Variants in SYTL2 observed in about 807,000 individuals in gnomAD.
SYTL2 encodes synaptotagmin like 2.
Under a neutral mutation model 198.7 loss-of-function variants are expected in SYTL2, and 165 were observed. The observed-to-expected ratio is 0.83, with a 90% CI of 0.73 to 0.94. SYTL2 has a LOEUF of 0.94. Ranked by LOEUF, SYTL2 falls within the 40% of genes least tolerant of loss-of-function variation. The pLI is 0.00. For synonymous variants in SYTL2, 966 were observed against 917.7 expected, an observed-to-expected ratio of 1.05 and a Z score of -0.95; for missense variants, 2,835 against 2,582.8, an observed-to-expected ratio of 1.10 and a Z score of -2.12.
intron 7 of SYTL2, among the ~76,000 whole-genome samples, chr11:85,728,212 C>T (rs566590176): frequency 6.6e-6 from 1 of 152,170 alleles, no homozygotes; most frequent in Admixed American, 6.5e-5. Flanking sequence ...TAGACCTAAC[C>T]GAAAAATTTC....
At chr11:85,845,848 G>A in the SYTL2 span, among the ~76,000 whole-genome samples, 1 of 152,138 alleles carries the variant, frequency 6.6e-6, no homozygotes, top group African/African-American at 2.4e-5. Flanking sequence ...CCTGGGAGGT[G>A]GAGCTTGCAG....
intron 11 of SYTL2, among the ~76,000 whole-genome samples, chr11:85,715,415 TATC>T (rs1205931786): frequency 2.0e-5 from 3 of 152,114 alleles, no homozygotes; most frequent in African/African-American, 4.8e-5. Flanking sequence ...ATCTAATAAA[TATC>T]ATATGATAAA....
the SYTL2 span, among the ~76,000 whole-genome samples, chr11:85,828,259 A>T: frequency 1.3e-5 from 2 of 152,180 alleles, no homozygotes; most frequent in Non-Finnish European, 2.9e-5. Flanking sequence ...GTTATACTAA[A>T]TTTTTTCTGC....
intron 17 of SYTL2, among the ~76,000 whole-genome samples, chr11:85,699,644 A>AT (rs770038072): frequency 1.3e-5 from 2 of 152,036 alleles, no homozygotes; most frequent in Non-Finnish European, 2.9e-5. Context: ...ACCATCAATT[A>AT]TTTCTTCCAT....
In SYTL2 at chr11:85,725,259, A is replaced by G. The variant is rs2088971477; in HGVS notation, c.4099T>C (p.Leu1367=). ...EKVILPPRPV[L]NDVSAALQKL... is the part of the protein sequence containing the mutation. ...TGTAATGCAGCACTTACATCATTCA[A>G]TACAGGTCTGGGTGGAAGAATGACT... Residue 1367 remains leucine, a synonymous_variant, in exon 8 of 20, where the codon TTG becomes CTG. Coordinates refer to ENST00000359152, the MANE Select transcript of SYTL2 (RefSeq NM_206927.4). The G allele has an allele frequency of 2.5e-6, 4 of 1,614,168 alleles. No individual in the cohort carries two copies. Among genetic ancestry groups the G allele is most frequent in the South Asian group, 1.1e-5 (1 of 91,086 alleles).
At chr11:85,788,294 G>A (rs2092669600) in intron 1 of SYTL2, among the ~76,000 whole-genome samples, 1 of 152,142 alleles carries the variant, frequency 6.6e-6, no homozygotes, top group African/African-American at 2.4e-5. Context: ...TTCTTCTTAA[G>A]ACTTTGCACG....
intron 1 of SYTL2, among the ~76,000 whole-genome samples, chr11:85,792,738 AT>A (rs1347303101): frequency 6.6e-6 from 1 of 151,652 alleles, no homozygotes; most frequent in Non-Finnish European, 1.5e-5. Context: ...TTAACTCGTC[AT>A]TTAGCATTAG....
intron 1 of SYTL2, among the ~76,000 whole-genome samples, chr11:85,803,020 G>C (rs1463796812): frequency 6.6e-6 from 1 of 152,120 alleles, no homozygotes; most frequent in African/African-American, 2.4e-5. Context: ...CCATCACCTT[G>C]TTGGCCACTA....
intron 16 of SYTL2, among the ~76,000 whole-genome samples, chr11:85,702,826 T>C (rs1199040859): frequency 6.6e-6 from 1 of 152,104 alleles, no homozygotes; most frequent in Non-Finnish European, 1.5e-5. Flanking sequence ...TTTTAAAAAA[T>C]AGATAAGCAG....
intron 1 of SYTL2, among the ~76,000 whole-genome samples, chr11:85,787,701 C>T (rs911731522): frequency 0.013 from 1,218 of 90,328 alleles, 27 homozygotes; most frequent in Admixed American, 0.038. Context: ...TTTTCTTTTC[C>T]TTTTTTTTTT....
At chr11:85,794,070 A>C (rs1173360161) in intron 1 of SYTL2, among the ~76,000 whole-genome samples, 2 of 152,152 alleles carry the variant, frequency 1.3e-5, no homozygotes, top group African/African-American at 4.8e-5. Context: ...GGGTCTCACT[A>C]TGCTGCCCAG....
intron 2 of SYTL2, among the ~76,000 whole-genome samples, chr11:85,749,564 G>A (rs2091387466): frequency 1.3e-5 from 2 of 152,188 alleles, no homozygotes; most frequent in Admixed American, 6.5e-5. Flanking sequence ...TCCCAAGCGT[G>A]CCTGGAGAGT....
chr11:85,773,186 A>G (rs909617339), intron 1 of SYTL2, among the ~76,000 whole-genome samples: 3 of 152,142 alleles, frequency 2.0e-5, no homozygotes, highest in Non-Finnish European at 4.4e-5. Flanking sequence ...CTGACCTCTA[A>G]GGTCTTCTGC....
At chr11:85,714,333 G>T in intron 12 of SYTL2, 80 bp downstream of exon 12, 1 of 1,151,920 alleles carries the variant, frequency 8.7e-7, no homozygotes. Context: ...TGCCACAGTG[G>T]AATACAAACA....
the SYTL2 span, among the ~76,000 whole-genome samples, chr11:85,829,714 G>C: frequency 6.6e-6 from 1 of 152,170 alleles, no homozygotes; most frequent in Non-Finnish European, 1.5e-5. Context: ...CCCAGCATCT[G>C]TTATTTTTTA....
At chr11:85,774,238 A>G (rs887924929) in intron 1 of SYTL2, among the ~76,000 whole-genome samples, 1 of 152,198 alleles carries the variant, frequency 6.6e-6, no homozygotes, top group African/African-American at 2.4e-5. Context: ...TTTCTCCAAT[A>G]CCTTTTTTAA....
the SYTL2 span, among the ~76,000 whole-genome samples, chr11:85,846,487 G>A: frequency 2.0e-5 from 3 of 152,148 alleles, no homozygotes; most frequent in Admixed American, 6.5e-5. Context: ...GGAGTACAAT[G>A]GTGCAAATTC....
At chr11:85,839,620 T>A in the SYTL2 span, among the ~76,000 whole-genome samples, 1 of 152,242 alleles carries the variant, frequency 6.6e-6, no homozygotes. Flanking sequence ...TGACTGAATC[T>A]CATTCGTGAT....
At chr11:85,729,125 C>T (rs1434254671) in intron 7 of SYTL2, among the ~76,000 whole-genome samples, 2 of 152,102 alleles carry the variant, frequency 1.3e-5, no homozygotes, top group African/African-American at 4.8e-5. Context: ...ACTTAGACTC[C>T]CACACAGTAA....
Sources: allele counts gnomAD v4.1 joint callset (sites outside exome capture counted in the v4.1 genomes callset), GRCh38; gene constraint gnomAD v4.1.1; transcripts MANE v1.5; gene names NCBI Gene and HGNC (gene_info 2026-07-23, HGNC 2026-07-21).